Variants in SLC30A8 observed in about 807,000 individuals in gnomAD.
The protein encoded by SLC30A8 is solute carrier family 30 member 8, also known as proton-coupled zinc antiporter SLC30A8.
SLC30A8 carries 27 observed loss-of-function variants against 36.9 expected under a neutral mutation model. The observed-to-expected ratio is 0.73, with a 90% CI of 0.54 to 1.01. The LOEUF is 1.01. Among genes scored for constraint, SLC30A8 ranks in the 50% least tolerant of loss-of-function variants. The probability of loss-of-function intolerance (pLI) is 0.00; values close to 1 mark genes in which losing one functional copy is unlikely to be tolerated. For synonymous variants in SLC30A8, 164 were observed against 172.4 expected, an observed-to-expected ratio of 0.95 and a Z score of 0.38; for missense variants, 439 against 452.0, an observed-to-expected ratio of 0.97 and a Z score of 0.26.
intron 1 of SLC30A8, among the ~76,000 whole-genome samples, chr8:117,037,535 A>T (rs1307992331): frequency 6.6e-6 from 1 of 152,158 alleles, no homozygotes; most frequent in Non-Finnish European, 1.5e-5. Context: ...GCCAGAGAAG[A>T]CAACTTTGAC....
intron 2 of SLC30A8, among the ~76,000 whole-genome samples, chr8:117,120,428 A>C (rs1820644989): frequency 6.6e-6 from 1 of 151,946 alleles, no homozygotes; most frequent in Non-Finnish European, 1.5e-5. Context: ...AAAAGAATGA[A>C]ATTGCACCCT....
intron 2 of SLC30A8, among the ~76,000 whole-genome samples, chr8:117,075,381 C>A (rs990193801): frequency 2.6e-5 from 4 of 151,802 alleles, no homozygotes; most frequent in Non-Finnish European, 5.9e-5. Flanking sequence ...TTGACTGATT[C>A]TTTCTTTATC....
intron 1 of SLC30A8, among the ~76,000 whole-genome samples, chr8:117,142,090 C>G (rs1366833699): frequency 2.0e-5 from 3 of 152,134 alleles, no homozygotes; most frequent in African/African-American, 7.2e-5. Flanking sequence ...GCACTGCCTG[C>G]CACTCAGCCC....
At chr8:117,121,017 A>G (rs1262928921) in intron 2 of SLC30A8, among the ~76,000 whole-genome samples, 1 of 151,838 alleles carries the variant, frequency 6.6e-6, no homozygotes, top group African/African-American at 2.4e-5. Context: ...TTGTGGAGAA[A>G]TTGGAACCCT....
At chr8:116,961,236 T>C (rs1056272406) in intron 1 of SLC30A8, among the ~76,000 whole-genome samples, 1 of 152,146 alleles carries the variant, frequency 6.6e-6, no homozygotes, top group African/African-American at 2.4e-5. Flanking sequence ...GAGACCATCC[T>C]GGCTAACACG....
intron 2 of SLC30A8, among the ~76,000 whole-genome samples, chr8:117,065,072 ATATTT>A (rs769911692): frequency 3.9e-5 from 6 of 152,148 alleles, no homozygotes; most frequent in Non-Finnish European, 8.8e-5. Context: ...TTTTACTTTT[ATATTT>A]TATTTTATTA....
chr8:117,026,700 T>A (rs1443643773), intron 1 of SLC30A8, among the ~76,000 whole-genome samples: 3 of 152,208 alleles, frequency 2.0e-5, no homozygotes, highest in Admixed American at 6.5e-5. Flanking sequence ...GCTTCCCTTA[T>A]CTGCAGAACA....
At chr8:117,129,149 C>G (rs1350563871) in intron 2 of SLC30A8, among the ~76,000 whole-genome samples, 3 of 151,928 alleles carry the variant, frequency 2.0e-5, no homozygotes, top group Admixed American at 2.0e-4. Context: ...TAGCTAATGA[C>G]TATGTTGAAT....
chr8:117,039,163 A>G (rs1275987791), intron 1 of SLC30A8: 1 of 152,182 alleles, frequency 6.6e-6, no homozygotes, highest in Non-Finnish European at 1.5e-5. Context: ...TCGAAAAGGG[A>G]ATAAGATGTA....
intron 1 of SLC30A8, among the ~76,000 whole-genome samples, chr8:116,978,250 ATAT>A (rs752848305): frequency 6.6e-6 from 1 of 152,102 alleles, no homozygotes; most frequent in Non-Finnish European, 1.5e-5. Flanking sequence ...TCAGTGTTTG[ATAT>A]TATTATTAAT....
intron 1 of SLC30A8, among the ~76,000 whole-genome samples, chr8:116,956,220 T>C (rs938123218): frequency 6.6e-6 from 1 of 152,108 alleles, no homozygotes; most frequent in Admixed American, 6.5e-5. Flanking sequence ...TGAAATAAAG[T>C]GTGCTTTGAG....
chr8:117,070,310 G>C (rs932822650), intron 2 of SLC30A8, among the ~76,000 whole-genome samples: 1 of 152,178 alleles, frequency 6.6e-6, no homozygotes, highest in Non-Finnish European at 1.5e-5. Context: ...GACTGGGCTG[G>C]AAGGTCTGAT....
At chr8:117,053,652 C>T (rs1414729872) in intron 2 of SLC30A8, among the ~76,000 whole-genome samples, 4 of 152,164 alleles carry the variant, frequency 2.6e-5, no homozygotes, top group African/African-American at 9.7e-5. Context: ...TGAGATTGAA[C>T]CCTTTTCTGT....
intron 1 of SLC30A8, among the ~76,000 whole-genome samples, chr8:116,965,019 C>T (rs1317096945): frequency 6.6e-6 from 1 of 152,180 alleles, no homozygotes; most frequent in East Asian, 1.9e-4. Context: ...TCACTGCAAC[C>T]TCTGCCTCCC....
intron 2 of SLC30A8, among the ~76,000 whole-genome samples, chr8:117,111,154 A>C (rs1298699669): frequency 6.6e-6 from 1 of 152,202 alleles, no homozygotes; most frequent in Non-Finnish European, 1.5e-5. Flanking sequence ...AATTAGAAAA[A>C]ATAGTTAACA....
At chr8:117,030,548 G>T (rs1371164302) in intron 1 of SLC30A8, among the ~76,000 whole-genome samples, 1 of 152,102 alleles carries the variant, frequency 6.6e-6, no homozygotes, top group Non-Finnish European at 1.5e-5. Context: ...TCTTTGTCAT[G>T]CTGGAAGGAA....
intron 3 of SLC30A8, among the ~76,000 whole-genome samples, chr8:117,155,031 A>G (rs1411990939): frequency 6.6e-6 from 1 of 152,178 alleles, no homozygotes; most frequent in East Asian, 1.9e-4. Flanking sequence ...ACCATATTAA[A>G]CAGCACCTCT....
chr8:117,087,906 C>A (rs1818943980), intron 2 of SLC30A8, among the ~76,000 whole-genome samples: 1 of 151,522 alleles, frequency 6.6e-6, no homozygotes, highest in Non-Finnish European at 1.5e-5. Context: ...GCTATCTTAC[C>A]CTGAAGGGGA....
At chr8:117,137,130 G>A (rs1821401339) in intron 1 of SLC30A8, among the ~76,000 whole-genome samples, 2 of 151,768 alleles carry the variant, frequency 1.3e-5, no homozygotes, top group South Asian at 4.2e-4. Flanking sequence ...TACATCTCCT[G>A]TACCCATACA....
Sources: gnomAD v4.1 joint callset for allele counts (sites outside exome capture counted in the v4.1 genomes callset) on GRCh38, gnomAD v4.1.1 for gene constraint, MANE v1.5 for transcripts, NCBI Gene and HGNC (gene_info 2026-07-23, HGNC 2026-07-21) for gene names.